Variants in NOL7 observed in about 807,000 individuals in gnomAD.
NOL7 encodes the protein U3 small nucleolar RNA-associated protein NOL7.
In NOL7, 36 loss-of-function variants were observed where a neutral mutation model predicts 38.4. The ratio of observed to expected loss-of-function variants is 0.94; its 90% confidence interval spans 0.72 to 1.24. The LOEUF is 1.24. Ranked by LOEUF, NOL7 falls within the 50% of genes most tolerant of loss-of-function variation. The probability of loss-of-function intolerance (pLI) is 0.00; values close to 1 mark genes in which losing one functional copy is unlikely to be tolerated. For missense variants in NOL7, 350 were observed against 315.1 expected, an observed-to-expected ratio of 1.11 and a Z score of -0.84; for synonymous variants, 142 against 126.5, an observed-to-expected ratio of 1.12 and a Z score of -0.82.
intron 8 of NOL7, among the ~76,000 whole-genome samples, chr6:13,630,104 C>T (rs746174326): frequency 1.3e-5 from 2 of 152,090 alleles, no homozygotes; most frequent in Non-Finnish European, 2.9e-5. Context: ...TCAAATCATC[C>T]GGCCTTGTTC....
At chr6:13,630,846 T>C (rs911400452) in intron 8 of NOL7, among the ~76,000 whole-genome samples, 1 of 151,836 alleles carries the variant, frequency 6.6e-6, no homozygotes, top group Non-Finnish European at 1.5e-5. Flanking sequence ...TTTTTCTATT[T>C]TTTTTTTTTT....
At position 13,620,205 on chromosome 6, in the gene NOL7, C is replaced by T. The variant is rs182004953; in HGVS notation, c.501-3C>T. On this transcript the variant is annotated splice_polypyrimidine_tract_variant and splice_region_variant and intron_variant, in intron 5 of 7. Coordinates refer to ENST00000451315, the MANE Select transcript of NOL7 (RefSeq NM_016167.5). ...TTATTTAACCTTTTATATTGATCAA[C>T]AGCCAGAATAAAAGCTACTTGGCCG... 4.5e-5 allele frequency: 72 copies of T among 1,604,254 alleles called. No individual in the cohort carries two copies. In the African/African-American group the frequency reaches 5.5e-4, roughly 12 times the overall value.
chr6:13,616,526 G>GT lies in NOL7; in HGVS notation c.386+6dup, dbSNP rs751078027. On this transcript the variant is annotated splice_donor_region_variant and intron_variant, in intron 3 of 7. Coordinates refer to ENST00000451315, the MANE Select transcript of NOL7 (RefSeq NM_016167.5). ...AACCACAGCTTCACAGACTAAGTAA[G>GT]TAATGGATCTTTTTATATTACTTGC... 1.4e-5 allele frequency: 22 copies of GT among 1,590,958 alleles called. No homozygotes were observed. The highest frequency in any genetic ancestry group is 1.8e-5 in the Non-Finnish European group (21 of 1,163,542).
At chr6:13,625,396 TTACA>T, downstream of NOL7, among the ~76,000 whole-genome samples, 1 of 152,294 alleles carries the variant, frequency 6.6e-6, no homozygotes, top group Non-Finnish European at 1.5e-5. Flanking sequence ...CCAGAAATGC[TTACA>T]TACATGCACA....
At position 13,629,277 on chromosome 6, in the gene NOL7, C is replaced by T. The variant is rs149867387; in HGVS notation, n.574-3116C>T. ...AGATGTGGGCCACCACACCCAGCCT[C>T]GTGTAGTTATTTAAAAATAATTGGA... On this transcript the variant is annotated intron_variant and non_coding_transcript_variant, in intron 8 of 8. Coordinates refer to the NOL7 transcript ENST00000474485. Among the ~76,000 whole-genome samples, 480 of 152,058 alleles carry T rather than the reference C, an allele frequency of 3.2e-3. 5 individuals are homozygous for T. The highest frequency in any genetic ancestry group is 0.011 in the African/African-American group (458 of 41,462).
At chr6:13,622,960 C>CAT (rs905700772), downstream of NOL7, among the ~76,000 whole-genome samples, 1 of 152,142 alleles carries the variant, frequency 6.6e-6, no homozygotes, top group African/African-American at 2.4e-5. Flanking sequence ...ATCTCCAAGG[C>CAT]ATATATAGGT....
At chr6:13,623,647 G>A (rs1465748679), downstream of NOL7, among the ~76,000 whole-genome samples, 1 of 152,154 alleles carries the variant, frequency 6.6e-6, no homozygotes, top group African/African-American at 2.4e-5. Flanking sequence ...ATCTGGCGAT[G>A]CATCTTTAAC....
In NOL7 at chr6:13,616,496, A is replaced by G; in HGVS notation, c.361A>G (p.Lys121Glu). 1 of 1,609,190 alleles carries G rather than the reference A, an allele frequency of 6.2e-7. No homozygotes were observed. The highest frequency in any genetic ancestry group is 1.1e-5 in the South Asian group (1 of 89,874). The change falls in exon 3 of 8, where the codon AAG becomes GAG. Residue 121 changes from lysine (K) to glutamate (E), a missense_variant. Coordinates refer to ENST00000451315, the MANE Select transcript of NOL7 (RefSeq NM_016167.5). ...RKLLPDTILE[K>E]LTTASQTNIK... ...ACTCCTTCCAGACACTATTTTGGAGAAGTTAACCACAGCTTCACAGACTAA... is the reference window on the plus strand; with the variant it reads ...ACTCCTTCCAGACACTATTTTGGAGGAGTTAACCACAGCTTCACAGACTAA...
Position 13,620,969 on chromosome 6 carries a change from G to C in NOL7, c.*142G>C. On this transcript the variant is annotated 3_prime_UTR_variant, in exon 8 of 8. Transcript: ENST00000451315. ...AACCACATTTCATTCTTCTGGAGTA[G>C]AACTGTGCCTTGCAATCCTAGAGGA... The C allele has an allele frequency of 1.9e-6, 1 of 537,376 alleles. No individual in the cohort carries two copies. Among genetic ancestry groups the C allele is most frequent in the South Asian group, 3.3e-5 (1 of 30,358 alleles). 33.3% of individuals were successfully genotyped at this position (537,376 alleles called of 1,614,324 possible).
rs766948019 is a variant in NOL7 at position 13,620,495 on chromosome 6, A to G, written c.700+10A>G. On this transcript the variant is annotated intron_variant, in intron 7 of 7. Coordinates refer to ENST00000451315, the MANE Select transcript of NOL7 (RefSeq NM_016167.5). ...TTGAATAATGCTTGGGGTAAGATCC[A>G]GCTTTATTCTCCTGTCTCTAATAGC... 6.2e-7 allele frequency: 1 copy of G among 1,610,106 alleles called. No homozygotes were observed. Among genetic ancestry groups the G allele is most frequent in the Non-Finnish European group, 8.5e-7 (1 of 1,176,660 alleles).
chr6:13,627,382 CA>C (rs1764637535), intron 8 of NOL7, among the ~76,000 whole-genome samples: 1 of 152,046 alleles, frequency 6.6e-6, no homozygotes, highest in Non-Finnish European at 1.5e-5. Flanking sequence ...GTAATCCCAG[CA>C]CTTTGGGAAG....
At chr6:13,616,553 T>A (rs887556695) in intron 3 of NOL7, 32 bp downstream of exon 3, 1 of 1,411,664 alleles carries the variant, frequency 7.1e-7, no homozygotes, top group South Asian at 1.2e-5. Flanking sequence ...ATTACTTGCT[T>A]ATATACACCC....
At chr6:13,617,090 C>T (rs1192177091) in intron 3 of NOL7, among the ~76,000 whole-genome samples, 1 of 151,936 alleles carries the variant, frequency 6.6e-6, no homozygotes, top group Non-Finnish European at 1.5e-5. Context: ...CCCCCTTTTG[C>T]TTAGGCCAGT....
chr6:13,625,376 T>C (rs960269049), downstream of NOL7, among the ~76,000 whole-genome samples: 2 of 152,154 alleles, frequency 1.3e-5, no homozygotes, highest in South Asian at 2.1e-4. Context: ...GAAGTAGACA[T>C]TCGTGGCTAC....
In NOL7 at chr6:13,615,499, G is replaced by A. The variant is rs1360167896; in HGVS notation, c.141G>A (p.Glu47=). 1 of 1,553,632 alleles carries A rather than the reference G, an allele frequency of 6.4e-7. No individual in the cohort carries two copies. The highest frequency in any genetic ancestry group is 8.7e-7 in the Non-Finnish European group (1 of 1,148,458). The part of the protein sequence containing the change: ...LGQPSSGAAA[E]PLEEDEEGDD... ...AGCCCAGCAGCGGCGCGGCCGCCGA[G>A]CCCCTGGAGGAAGACGAGGAAGGGG... The change falls in exon 1 of 8, where the codon GAG becomes GAA. Residue 47 remains glutamate, a synonymous_variant. Coordinates refer to ENST00000451315, the MANE Select transcript of NOL7 (RefSeq NM_016167.5).
In NOL7 at chr6:13,620,550, G is replaced by GAGAT. The variant is rs1017592465; in HGVS notation, c.700+68_700+71dup. On this transcript the variant is annotated intron_variant, in intron 7 of 7. Transcript: ENST00000451315. ...TATGTTGAATAATGTTCTTTTGAAG[G>GAGAT]AGATAGTTCATAATTATACTTTTCC... is the stretch of plus-strand genomic sequence containing the variant. 5.6e-5 allele frequency: 82 copies of GAGAT among 1,462,502 alleles called. No individual in the cohort carries two copies. The African/African-American group carries it at 1.0e-3, about 18-fold the overall frequency. 90.6% of individuals were successfully genotyped at this position (1,462,502 alleles called of 1,614,324 possible).
At chr6:13,622,220 G>A (rs2127756445), downstream of NOL7, 6 of 803,874 alleles carry the variant, frequency 7.5e-6, no homozygotes, top group African/African-American at 1.8e-5. Flanking sequence ...GCATCATGCT[G>A]TAAACTAGGA....
chr6:13,615,580 G>A lies in NOL7; in HGVS notation c.222G>A (p.Ala74=). 1 of 1,575,998 alleles carries A rather than the reference G, an allele frequency of 6.3e-7. No individual in the cohort carries two copies. Among genetic ancestry groups the A allele is most frequent in the Non-Finnish European group, 8.6e-7 (1 of 1,159,284 alleles). Residue 74 remains alanine (A), a synonymous_variant, in exon 1 of 8, where the codon GCG becomes GCA. Coordinates refer to ENST00000451315, the MANE Select transcript of NOL7 (RefSeq NM_016167.5). ...AGCTGACTTTCGCCAGCGCCCAGGC[G>A]GAAGCGAGAGAAGAGGAGCGGCGAG... The part of the protein sequence containing the change: ...PEELTFASAQ[A]EAREEERRVR...
chr6:13,630,380 A>G (rs532820625), intron 8 of NOL7, among the ~76,000 whole-genome samples: 13 of 152,330 alleles, frequency 8.5e-5, no homozygotes, highest in African/African-American at 2.9e-4. Flanking sequence ...CTTCATGTAA[A>G]TAAGAATCAA....
Sources: gnomAD v4.1 joint callset for allele counts (sites outside exome capture counted in the v4.1 genomes callset) on GRCh38, gnomAD v4.1.1 for gene constraint, MANE v1.5 for transcripts, NCBI Gene and HGNC (gene_info 2026-07-23, HGNC 2026-07-21) for gene names.